The following CCL26 variants were observed in gnomAD, a reference collection of about 807,000 sequenced individuals.
CCL26 encodes C-C motif chemokine ligand 26.
A neutral mutation model predicts 10.7 loss-of-function variants in CCL26; 10 were observed. The ratio of observed to expected loss-of-function variants is 0.93; its 90% CI spans 0.57 to 1.58. The LOEUF is 1.58. Among genes scored for constraint, CCL26 ranks in the 40% most tolerant of loss-of-function variants. CCL26 has a pLI of 0.00. For missense variants in CCL26, 116 were observed against 111.0 expected (o/e 1.05, Z -0.20); for synonymous variants, 43 against 41.4 (o/e 1.04, Z -0.15).
upstream of CCL26, among the ~76,000 whole-genome samples, chr7:75,773,080 G>A (rs1351488212): frequency 6.6e-6 from 1 of 152,214 alleles, no homozygotes; most frequent in Admixed American, 6.5e-5. Context: ...TCTTCTTGGG[G>A]CCACACCTGT....
intron 1 of CCL26, among the ~76,000 whole-genome samples, chr7:75,785,129 C>T (rs782136242): frequency 1.3e-5 from 2 of 152,102 alleles, no homozygotes; most frequent in Admixed American, 6.6e-5. Flanking sequence ...ACTCTTTTGT[C>T]CTCAATACCT....
chr7:75,778,553 T>C (rs982379940), intron 1 of CCL26, among the ~76,000 whole-genome samples: 2 of 75,290 alleles, frequency 2.7e-5, no homozygotes, highest in Non-Finnish European at 5.4e-5. Context: ...TTAGTGATGT[T>C]GAGCATTTTT....
chr7:75,780,925 C>G (rs535338111), intron 1 of CCL26, among the ~76,000 whole-genome samples: 2 of 152,198 alleles, frequency 1.3e-5, no homozygotes, highest in Non-Finnish European at 2.9e-5. Flanking sequence ...AGCCCTCCCC[C>G]ACCTGCCCAG....
chr7:75,772,278 T>C, upstream of CCL26: 1 of 819,492 alleles, frequency 1.2e-6, no homozygotes. Context: ...CAGAGAATTC[T>C]GTGGTTGGGA....
chr7:75,787,651 C>CAAAAAAAAAAAAA lies in CCL26; in HGVS notation c.-79+2053_-79+2065dup, dbSNP rs55770109. On this transcript the variant is annotated intron_variant, in intron 1 of 3. Transcript: ENST00000394905. The stretch of plus-strand genomic sequence containing the variant: ...CAGAGTGAGACTCCGTCTCCAAAAG[C>CAAAAAAAAAAAAA]AAAAAAAAAAAAAAAAAAAAAAAGA... Among the ~76,000 whole-genome samples the CAAAAAAAAAAAAA allele has an allele frequency of 1.0e-3, 28 of 27,746 alleles. 2 individuals are homozygous for CAAAAAAAAAAAAA. The highest frequency in any genetic ancestry group is 1.5e-3 in the East Asian group (1 of 654). The allele number at this position is 27,746 out of a possible 152,430, so 18.2% of individuals were successfully genotyped here. A position where few individuals can be genotyped will look rare whatever the true frequency, so the allele number is the denominator to read the frequency against.
chr7:75,789,249 T>C (rs1803270907), intron 1 of CCL26, among the ~76,000 whole-genome samples: 1 of 151,920 alleles, frequency 6.6e-6, no homozygotes, highest in Non-Finnish European at 1.5e-5. Context: ...CTGGCCTGCG[T>C]ACTTTTCTAT....
chr7:75,772,661 A>ACAAAC (rs535616598), upstream of CCL26, among the ~76,000 whole-genome samples: 1 of 145,918 alleles, frequency 6.9e-6, no homozygotes, highest in Non-Finnish European at 1.6e-5. Flanking sequence ...TGCCAAAAAA[A>ACAAAC]AAAAAAACAA....
intron 1 of CCL26, among the ~76,000 whole-genome samples, chr7:75,788,172 C>G (rs1803245103): frequency 6.6e-6 from 1 of 152,100 alleles, no homozygotes; most frequent in Non-Finnish European, 1.5e-5. Context: ...AATGTCAGGC[C>G]TCTGAGCCCA....
intron 1 of CCL26, among the ~76,000 whole-genome samples, chr7:75,785,196 C>T (rs1395309948): frequency 6.6e-6 from 1 of 152,088 alleles, no homozygotes; most frequent in Admixed American, 6.6e-5. Flanking sequence ...TCACTCTTCC[C>T]CTGCACCCCT....
chr7:75,777,574 T>C (rs1381989089), intron 1 of CCL26, among the ~76,000 whole-genome samples: 2 of 151,672 alleles, frequency 1.3e-5, no homozygotes, highest in African/African-American at 2.4e-5. Flanking sequence ...ATAGCAAGAC[T>C]CCATCTCTAC....
intron 1 of CCL26, among the ~76,000 whole-genome samples, chr7:75,787,537 C>T (rs1008080209): frequency 4.0e-5 from 6 of 148,404 alleles, no homozygotes; most frequent in East Asian, 2.0e-4. Context: ...CCCAGCTACT[C>T]GGGAGGCTGA....
intron 1 of CCL26, among the ~76,000 whole-genome samples, chr7:75,782,207 T>C (rs1051005089): frequency 6.6e-6 from 1 of 152,156 alleles, no homozygotes; most frequent in Admixed American, 6.5e-5. Context: ...CATTTTCTGG[T>C]ACAGACAAAG....
rs922605450 is a variant in CCL26 at position 75,785,990 on chromosome 7, C to T, written c.-79+3727G>A. Reference sequence around the variant, plus strand: ...TAATACTTTTAGAGGCCCTCAAAATCGCAAACTATGCTCAACTCACTCTCT... The same window carrying T: ...TAATACTTTTAGAGGCCCTCAAAATTGCAAACTATGCTCAACTCACTCTCT... On this transcript the variant is annotated intron_variant, in intron 1 of 3. Coordinates refer to the CCL26 transcript ENST00000394905. 3.9e-5 allele frequency among the ~76,000 whole-genome samples: 6 copies of T among 152,212 alleles called. No homozygotes were observed. The East Asian group carries it at 5.8e-4, about 15-fold the overall frequency.
At chr7:75,785,430 C>T (rs1333116970) in intron 1 of CCL26, among the ~76,000 whole-genome samples, 1 of 152,174 alleles carries the variant, frequency 6.6e-6, no homozygotes, top group African/African-American at 2.4e-5. Flanking sequence ...CTCAACAAGA[C>T]ACTCTCCTGC....
chr7:75,785,095 C>T (rs1012896312), intron 1 of CCL26, among the ~76,000 whole-genome samples: 4 of 152,142 alleles, frequency 2.6e-5, no homozygotes, highest in African/African-American at 9.7e-5. Context: ...TTTGCCTATC[C>T]ACCCCGTAGT....
At chr7:75,791,051 A>T (rs1428097991), upstream of CCL26, among the ~76,000 whole-genome samples, 8 of 139,480 alleles carry the variant, frequency 5.7e-5, no homozygotes, top group African/African-American at 2.2e-4. Flanking sequence ...TTTGAGACAG[A>T]GTCTTGCTCT....
At chr7:75,775,998 T>C (rs782762237), upstream of CCL26, among the ~76,000 whole-genome samples, 22 of 151,250 alleles carry the variant, frequency 1.5e-4, no homozygotes, top group Non-Finnish European at 2.8e-4. Flanking sequence ...TAGAGCCCAC[T>C]GTAATCCAGT....
intron 1 of CCL26, among the ~76,000 whole-genome samples, chr7:75,777,563 T>C (rs1289640760): frequency 2.0e-5 from 3 of 151,518 alleles, no homozygotes; most frequent in Non-Finnish European, 4.4e-5. Context: ...GCCTGGGCAA[T>C]ATAGCAAGAC....
intron 1 of CCL26, among the ~76,000 whole-genome samples, chr7:75,781,698 C>T (rs540304978): frequency 6.6e-6 from 1 of 152,296 alleles, no homozygotes; most frequent in South Asian, 2.1e-4. Flanking sequence ...CCTGGCTCAT[C>T]CTGGCTCAAA....
Sources: allele counts gnomAD v4.1 joint callset (sites outside exome capture counted in the v4.1 genomes callset), GRCh38; gene constraint gnomAD v4.1.1; transcripts MANE v1.5; gene names NCBI Gene and HGNC (gene_info 2026-07-23, HGNC 2026-07-21).